Variants in EPGN observed in about 807,000 individuals in gnomAD.
EPGN encodes the protein epigen.
A neutral mutation model predicts 20.7 loss-of-function variants in EPGN; 21 were observed. That is an observed-to-expected ratio of 1.01 (90% CI 0.72 to 1.46). The LOEUF is 1.46. Among genes scored for constraint, EPGN ranks in the 40% most tolerant of loss-of-function variants. EPGN has a pLI of 0.00. For synonymous variants in EPGN, 69 were observed against 63.8 expected (o/e 1.08, Z -0.39); for missense variants, 199 against 180.7 (o/e 1.10, Z -0.58).
Position 74,308,474 on chromosome 4 carries a change from A to G in EPGN, c.-60A>G. 1 of 1,424,768 alleles carries G rather than the reference A, an allele frequency of 7.0e-7. No homozygotes were observed. Among genetic ancestry groups the G allele is most frequent in the Non-Finnish European group, 9.7e-7 (1 of 1,030,726 alleles). 88.3% of individuals were successfully genotyped at this position (1,424,768 alleles called of 1,614,324 possible). A position where few individuals can be genotyped will look rare whatever the true frequency, so the allele number is the denominator to read the frequency against. On this transcript the variant is annotated 5_prime_UTR_variant, in exon 1 of 5. Coordinates refer to ENST00000413830, the MANE Select transcript of EPGN (RefSeq NM_001270989.2). ...CAACAAAGACTCAGAGAGCTCAATA[A>G]AAACCTTCCACCCGTCAGTCTAGAA...
At chr4:74,309,248 TG>T in intron 2 of EPGN, 66 bp downstream of exon 2, 1 of 1,367,448 alleles carries the variant, frequency 7.3e-7, no homozygotes, top group Non-Finnish European at 1.0e-6. Context: ...ATTTGGATTG[TG>T]ATAAAAGCAA....
chr4:74,314,815 T>G lies in EPGN; in HGVS notation c.*178T>G. 1.1e-5 allele frequency: 7 copies of G among 614,820 alleles called. No homozygotes were observed. In the South Asian group the frequency reaches 1.4e-4, roughly 13 times the overall value. The allele number at this position is 614,820 out of a possible 1,614,324, so 38.1% of individuals were successfully genotyped here. ...GTTGGCCTTTAGACTTTGCCATCCT[T>G]AAGGAGTGATGGAAGCCAAGTGAAC... is the stretch of plus-strand genomic sequence containing the variant. On this transcript the variant is annotated 3_prime_UTR_variant, in exon 5 of 5. Coordinates refer to ENST00000413830, the MANE Select transcript of EPGN (RefSeq NM_001270989.2).
chr4:74,309,077 T>C lies in EPGN; in HGVS notation c.44-16T>C. The C allele has an allele frequency of 1.9e-6, 3 of 1,600,694 alleles. No homozygotes were observed. Among genetic ancestry groups the C allele is most frequent in the Non-Finnish European group, 2.6e-6 (3 of 1,169,794 alleles). On this transcript the variant is annotated splice_polypyrimidine_tract_variant and intron_variant, in intron 1 of 4. Coordinates refer to ENST00000413830, the MANE Select transcript of EPGN (RefSeq NM_001270989.2). ...GGAGGCTCTCTGTTAAAGATGCTTT[T>C]GCCCCCTTAATACAGCAATGACAGC... is the stretch of plus-strand genomic sequence containing the variant.
At position 74,315,484 on chromosome 4, in the gene EPGN, C is replaced by T. The variant is rs1345548052; in HGVS notation, c.*847C>T. ...ATTTGGACCGAAATCCTGGAAGTCT[C>T]CTACTGAATAAAAGTCTACAATTGG... is the stretch of plus-strand genomic sequence containing the variant. On this transcript the variant is annotated 3_prime_UTR_variant, in exon 5 of 5. Transcript: ENST00000413830. Among the ~76,000 whole-genome samples the T allele has an allele frequency of 2.0e-5, 3 of 152,146 alleles. No homozygotes were observed. The highest frequency in any genetic ancestry group is 2.9e-5 in the Non-Finnish European group (2 of 68,024).
rs148495973 is a variant in EPGN, at chr4:74,309,121, C to A, written c.72C>A (p.Ala24=). The change falls in exon 2 of 5, where the codon GCC becomes GCA. Residue 24 remains alanine, a synonymous_variant. Coordinates refer to ENST00000413830, the MANE Select transcript of EPGN (RefSeq NM_001270989.2). ...NAMTALTEEA[A]VTVTPPITAQ... is the part of the protein sequence containing the mutation. ...TGACAGCACTGACCGAAGAGGCAGC[C>A]GTGACTGTAACACCTCCAATCACAG... The A allele has an allele frequency of 6.2e-7, 1 of 1,613,334 alleles. No homozygotes were observed. The highest frequency in any genetic ancestry group is 1.7e-5 in the Admixed American group (1 of 59,976).
intron 4 of EPGN, 117 bp from the exon 5 acceptor site, chr4:74,314,463 G>A (rs1751166502): frequency 4.0e-6 from 4 of 988,354 alleles, no homozygotes; most frequent in South Asian, 3.0e-5. Context: ...TGACCAATGG[G>A]TAAAGGGGAT....
intron 2 of EPGN, among the ~76,000 whole-genome samples, chr4:74,310,461 CAAAA>C (rs10586282): frequency 0.11 from 4,757 of 42,746 alleles, 85 homozygotes; most frequent in African/African-American, 0.2. Context: ...GAGTCCGTCT[CAAAA>C]AAAAAAAAAA....
At position 74,312,910 on chromosome 4, in the gene EPGN, T is replaced by C. The variant is rs1751052801; in HGVS notation, c.255-108T>C. 4.1e-6 allele frequency: 4 copies of C among 969,892 alleles called. No homozygotes were observed. In the Admixed American group the frequency reaches 1.3e-4, roughly 32 times the overall value. The allele number at this position is 969,892 out of a possible 1,614,324, so 60.1% of individuals were successfully genotyped here. The stretch of plus-strand genomic sequence containing the variant: ...GGCTTTCATTTGGTATTTGCCTCTT[T>C]AATTTAAATTCCTTATTTCCATTTA... On this transcript the variant is annotated intron_variant, in intron 3 of 4. Transcript: ENST00000413830.
intron 4 of EPGN, 95 bp downstream of exon 4, chr4:74,313,265 A>T: frequency 1.4e-6 from 2 of 1,429,880 alleles, no homozygotes; most frequent in East Asian, 2.7e-5. Flanking sequence ...GACATGTAAA[A>T]TTTTTTTAAT....
At chr4:74,314,480 G>T in intron 4 of EPGN, 100 bp from the exon 5 acceptor site, 1 of 1,164,302 alleles carries the variant, frequency 8.6e-7, no homozygotes, top group South Asian at 1.4e-5. Flanking sequence ...GGATCTGGGT[G>T]GGACACCAAG....
rs1751067555 is a variant in EPGN at position 74,313,093 on chromosome 4, A to G, written c.330A>G (p.Lys110=). 7.4e-6 allele frequency: 12 copies of G among 1,613,426 alleles called. No individual in the cohort carries two copies. The highest frequency in any genetic ancestry group is 1.0e-5 in the Non-Finnish European group (12 of 1,179,704). The change falls in exon 4 of 5, where the codon AAA becomes AAG. Residue 110 remains lysine, a synonymous_variant. Coordinates refer to ENST00000413830, the MANE Select transcript of EPGN (RefSeq NM_001270989.2). ...CATATGCTGTGGATTCTTATGAAAA[A>G]TACATTGCAATTGGGATTGGTGTTG... ...LTSYAVDSYE[K]YIAIGIGVGL...
At chr4:74,311,862 T>G (rs1304875891) in intron 2 of EPGN, among the ~76,000 whole-genome samples, 1 of 152,206 alleles carries the variant, frequency 6.6e-6, no homozygotes, top group African/African-American at 2.4e-5. Context: ...GAAGCATCGC[T>G]CAAAATAACC....
intron 2 of EPGN, among the ~76,000 whole-genome samples, chr4:74,311,750 A>C (rs1750970466): frequency 6.6e-6 from 1 of 152,304 alleles, no homozygotes; most frequent in Non-Finnish European, 1.5e-5. Flanking sequence ...CACAAGTGTA[A>C]ATTCAAATCT....
intron 4 of EPGN, chr4:74,314,061 A>G (rs1314634946): frequency 4.4e-6 from 2 of 455,194 alleles, no homozygotes; most frequent in Non-Finnish European, 8.8e-6. Context: ...ATTTCCTAGA[A>G]GCGGAGCCTT....
At chr4:74,309,023 T>C (rs1173121412) in intron 1 of EPGN, 70 bp from the exon 2 acceptor site, 2 of 1,133,482 alleles carry the variant, frequency 1.8e-6, no homozygotes, top group East Asian at 4.8e-5. Context: ...AGAATAAGAA[T>C]ACTTTCCATC....
At chr4:74,310,659 C>T (rs542111975) in intron 2 of EPGN, among the ~76,000 whole-genome samples, 1 of 152,098 alleles carries the variant, frequency 6.6e-6, no homozygotes, top group East Asian at 1.9e-4. Flanking sequence ...CAGTCATCCT[C>T]CGTTATTGGT....
chr4:74,313,897 GT>G (rs908613981), intron 4 of EPGN, among the ~76,000 whole-genome samples: 6 of 152,056 alleles, frequency 3.9e-5, no homozygotes, highest in Admixed American at 2.6e-4. Context: ...AATTAGAAAA[GT>G]TTGTTTTGCT....
At chr4:74,310,709 G>A (rs1750882684) in intron 2 of EPGN, among the ~76,000 whole-genome samples, 1 of 152,072 alleles carries the variant, frequency 6.6e-6, no homozygotes, top group African/African-American at 2.4e-5. Context: ...TGCCCAGAGG[G>A]TACCAAAATC....
rs1422697042 is a variant in EPGN at position 74,315,099 on chromosome 4, C to CTTG, written c.*468_*470dup. The CTTG allele has an allele frequency of 6.3e-6, 1 of 157,498 alleles. No individual in the cohort carries two copies. Among genetic ancestry groups the CTTG allele is most frequent in the African/African-American group, 2.4e-5 (1 of 41,472 alleles). The allele number at this position is 157,498 out of a possible 1,614,324, so 9.8% of individuals were successfully genotyped here. A position where few individuals can be genotyped will look rare whatever the true frequency, so the allele number is the denominator to read the frequency against. On this transcript the variant is annotated 3_prime_UTR_variant, in exon 5 of 5. Transcript: ENST00000413830. ...TTTGCTCAATGAACCTTATCCCAAA[C>CTTG]TTGTTGTTTTCATGGTGTCTGAAAG...
Sources: allele counts gnomAD v4.1 joint callset (sites outside exome capture counted in the v4.1 genomes callset), GRCh38; gene constraint gnomAD v4.1.1; transcripts MANE v1.5; gene names NCBI Gene and HGNC (gene_info 2026-07-23, HGNC 2026-07-21).